The following CREB3L2 variants were observed in gnomAD, a reference collection of about 807,000 sequenced individuals.
CREB3L2 encodes the protein cyclic AMP-responsive element-binding protein 3-like protein 2.
CREB3L2 carries 23 observed loss-of-function variants against 57.2 expected under a neutral mutation model. That is an observed-to-expected ratio of 0.40 (90% CI 0.29 to 0.57). CREB3L2 has a LOEUF of 0.57. Among genes scored for constraint, CREB3L2 ranks in the 20% least tolerant of loss-of-function variants. CREB3L2 has a pLI of 0.42. For missense variants in CREB3L2, 628 were observed against 634.7 expected (o/e 0.99, Z 0.11); for synonymous variants, 268 against 265.1 (o/e 1.01, Z -0.11).
At chr7:137,903,215 C>T (rs1231892732) in intron 7 of CREB3L2, among the ~76,000 whole-genome samples, 1 of 152,106 alleles carries the variant, frequency 6.6e-6, no homozygotes, top group African/African-American at 2.4e-5. Flanking sequence ...GCTGCATTAC[C>T]AGTACTTAAG....
chr7:137,957,328 A>AT (rs1014624641), intron 1 of CREB3L2, among the ~76,000 whole-genome samples: 5 of 152,056 alleles, frequency 3.3e-5, no homozygotes, highest in Non-Finnish European at 5.9e-5. Flanking sequence ...TACTTTCTGC[A>AT]TTTTTTTTAA....
chr7:137,947,586 T>A (rs571449512), intron 1 of CREB3L2, among the ~76,000 whole-genome samples: 6 of 152,232 alleles, frequency 3.9e-5, no homozygotes, highest in South Asian at 2.1e-4. Context: ...GAAAAGGAAG[T>A]CAGACTAAGA....
At chr7:137,984,610 A>G (rs1215879106) in intron 1 of CREB3L2, among the ~76,000 whole-genome samples, 1 of 152,180 alleles carries the variant, frequency 6.6e-6, no homozygotes, top group Non-Finnish European at 1.5e-5. Flanking sequence ...AAATTACCAA[A>G]TGCTCAAGCC....
chr7:137,900,565 T>C (rs1799730740), intron 8 of CREB3L2, among the ~76,000 whole-genome samples: 1 of 151,334 alleles, frequency 6.6e-6, no homozygotes. Context: ...GAGGCCAAGG[T>C]GGGGGCGGAT....
chr7:137,928,223 G>A lies in CREB3L2; in HGVS notation c.246C>T (p.Ser82=). Residue 82 remains serine (S), a synonymous_variant, in exon 2 of 12, where the codon AGC becomes AGT. Coordinates refer to ENST00000330387, the MANE Select transcript of CREB3L2 (RefSeq NM_194071.4). ...SPAPLIQAEH[S]YSLCEEPRAQ... is the part of the protein sequence containing the mutation. Reference sequence around the variant, plus strand: ...CCCGAGGCTCCTCGCACAGGGAGTAGCTGTGCTCAGCCTGGATGAGAGGCG... The same window carrying A: ...CCCGAGGCTCCTCGCACAGGGAGTAACTGTGCTCAGCCTGGATGAGAGGCG... 3 of 1,611,012 alleles carry A rather than the reference G, an allele frequency of 1.9e-6. No homozygotes were observed. The highest frequency in any genetic ancestry group is 2.5e-6 in the Non-Finnish European group (3 of 1,178,434).
intron 1 of CREB3L2, among the ~76,000 whole-genome samples, chr7:137,981,326 T>C (rs1801707514): frequency 6.6e-6 from 1 of 152,208 alleles, no homozygotes; most frequent in African/African-American, 2.4e-5. Flanking sequence ...TGACCTAGCC[T>C]GAGGATAAAC....
At chr7:137,977,312 C>T (rs542412386) in intron 1 of CREB3L2, among the ~76,000 whole-genome samples, 4 of 152,302 alleles carry the variant, frequency 2.6e-5, no homozygotes, top group Non-Finnish European at 2.9e-5. Context: ...CAGAAGCTAC[C>T]GGTAAGCAGC....
intron 1 of CREB3L2, among the ~76,000 whole-genome samples, chr7:137,972,777 A>C (rs1801540890): frequency 7.3e-6 from 1 of 136,658 alleles, no homozygotes; most frequent in Non-Finnish European, 1.6e-5. Context: ...AGAGAAAAGA[A>C]AAAGAAAAAC....
chr7:137,890,282 A>C (rs1799506060), intron 8 of CREB3L2, among the ~76,000 whole-genome samples: 1 of 152,244 alleles, frequency 6.6e-6, no homozygotes, highest in Non-Finnish European at 1.5e-5. Context: ...GATAAAATGC[A>C]GATAATAGAT....
intron 2 of CREB3L2, among the ~76,000 whole-genome samples, chr7:137,924,638 C>T (rs1216488886): frequency 1.3e-5 from 2 of 152,070 alleles, no homozygotes; most frequent in Admixed American, 6.6e-5. Context: ...TTTCTTCTTC[C>T]TTCTTCCTTT....
At chr7:137,940,546 C>G (rs2117257544) in intron 1 of CREB3L2, among the ~76,000 whole-genome samples, 1 of 152,180 alleles carries the variant, frequency 6.6e-6, no homozygotes, top group South Asian at 2.1e-4. Context: ...GAAATCTACA[C>G]TACAGACTCT....
chr7:137,953,144 A>G lies in CREB3L2; in HGVS notation c.103-24778T>C, dbSNP rs73456362. Among the ~76,000 whole-genome samples, 704 of 152,312 alleles carry G rather than the reference A, an allele frequency of 4.6e-3. 7 individuals are homozygous for G. The highest frequency in any genetic ancestry group is 0.015 in the African/African-American group (613 of 41,582). ...TTTAAGAATATTTCAATCACTTAGTAAGACCTTTTAATGTAAACTCCTTGA... is the reference window on the plus strand; with the variant it reads ...TTTAAGAATATTTCAATCACTTAGTGAGACCTTTTAATGTAAACTCCTTGA... On this transcript the variant is annotated intron_variant, in intron 1 of 11. Coordinates refer to ENST00000330387, the MANE Select transcript of CREB3L2 (RefSeq NM_194071.4).
chr7:137,993,290 T>C (rs1220329904), intron 1 of CREB3L2, among the ~76,000 whole-genome samples: 1 of 152,158 alleles, frequency 6.6e-6, no homozygotes, highest in African/African-American at 2.4e-5. Context: ...CCAGAGAGCC[T>C]GTGTCCCTCA....
chr7:137,910,250 C>T (rs957922464), intron 4 of CREB3L2, among the ~76,000 whole-genome samples: 4 of 152,060 alleles, frequency 2.6e-5, no homozygotes, highest in Non-Finnish European at 4.4e-5. Flanking sequence ...TCTCTCATTG[C>T]GATTCCCTGT....
At chr7:137,975,107 C>A (rs1353984406) in intron 1 of CREB3L2, among the ~76,000 whole-genome samples, 1 of 152,058 alleles carries the variant, frequency 6.6e-6, no homozygotes, top group Non-Finnish European at 1.5e-5. Context: ...CTTTTATAAA[C>A]CGTAAAGCAT....
intron 1 of CREB3L2, chr7:137,953,491 C>T: frequency 7.8e-7 from 1 of 1,289,130 alleles, no homozygotes; most frequent in South Asian, 1.2e-5. Context: ...AAGCGTCAAC[C>T]ATCCCCAACA....
At chr7:137,912,722 A>C (rs755738471) in intron 4 of CREB3L2, 1 of 923,932 alleles carries the variant, frequency 1.1e-6, no homozygotes, top group Non-Finnish European at 1.6e-6. Context: ...AGTCCATAAA[A>C]GTTTTGAAAA....
chr7:137,981,148 G>A (rs988772392), intron 1 of CREB3L2, among the ~76,000 whole-genome samples: 5 of 152,170 alleles, frequency 3.3e-5, no homozygotes, highest in Non-Finnish European at 7.3e-5. Flanking sequence ...AAGCCCAGAG[G>A]AGGAGGGGAA....
At chr7:137,905,121 C>T (rs1799856897) in intron 6 of CREB3L2, among the ~76,000 whole-genome samples, 1 of 151,776 alleles carries the variant, frequency 6.6e-6, no homozygotes, top group Non-Finnish European at 1.5e-5. Flanking sequence ...AGCCATCCCC[C>T]TGGTTTTCAT....
Sources: allele counts gnomAD v4.1 joint callset (sites outside exome capture counted in the v4.1 genomes callset), GRCh38; gene constraint gnomAD v4.1.1; transcripts MANE v1.5; gene names NCBI Gene and HGNC (gene_info 2026-07-23, HGNC 2026-07-21).